Variants in TSPAN15 observed in about 807,000 individuals in gnomAD.
The protein encoded by TSPAN15 is tetraspanin 15.
Under a neutral mutation model 34.5 loss-of-function variants are expected in TSPAN15, and 20 were observed. The ratio of observed to expected loss-of-function variants is 0.58; its 90% CI spans 0.41 to 0.84. The LOEUF (loss-of-function observed/expected upper bound fraction) is 0.84, where lower values mean the gene tolerates loss of function less well. Among genes scored for constraint, TSPAN15 ranks in the 40% least tolerant of loss-of-function variants. The pLI, the probability that TSPAN15 is intolerant of heterozygous loss-of-function variation, is 0.00. For synonymous variants in TSPAN15, 155 were observed against 153.9 expected (o/e 1.01, Z -0.05); for missense variants, 313 against 386.1 (o/e 0.81, Z 1.59).
At chr10:69,493,696 TCTC>T (rs1842017237) in intron 3 of TSPAN15, among the ~76,000 whole-genome samples, 1 of 152,174 alleles carries the variant, frequency 6.6e-6, no homozygotes. Flanking sequence ...ATGGTCTTGA[TCTC>T]CTGACCTTGT....
chr10:69,474,145 C>T (rs1348401037), intron 1 of TSPAN15, among the ~76,000 whole-genome samples: 1 of 152,016 alleles, frequency 6.6e-6, no homozygotes, highest in Non-Finnish European at 1.5e-5. Flanking sequence ...TTCCCTTCAT[C>T]TCTGCCCACC....
At chr10:69,462,395 C>T (rs781434575) in intron 1 of TSPAN15, among the ~76,000 whole-genome samples, 19 of 151,886 alleles carry the variant, frequency 1.3e-4, no homozygotes, top group East Asian at 3.9e-4. Context: ...AGTGCAGTGG[C>T]GTGATCTCGG....
At chr10:69,521,973 A>G in the TSPAN15 span, among the ~76,000 whole-genome samples, 1 of 147,866 alleles carries the variant, frequency 6.8e-6, no homozygotes, top group South Asian at 2.1e-4. Context: ...GTGAAGTGGT[A>G]TGTCCTAGTT....
intron 1 of TSPAN15, among the ~76,000 whole-genome samples, chr10:69,452,072 G>A (rs926299474): frequency 4.6e-5 from 7 of 152,238 alleles, no homozygotes; most frequent in Non-Finnish European, 8.8e-5. Flanking sequence ...AAGTAGTTAG[G>A]ATTTGCAGTC....
chr10:69,455,795 G>A (rs1219637210), intron 1 of TSPAN15, among the ~76,000 whole-genome samples: 1 of 151,770 alleles, frequency 6.6e-6, no homozygotes, highest in African/African-American at 2.4e-5. Context: ...ATGCAGACAC[G>A]CACCTGCCAT....
At chr10:69,532,291 C>T in the TSPAN15 span, among the ~76,000 whole-genome samples, 5 of 152,060 alleles carry the variant, frequency 3.3e-5, no homozygotes, top group Admixed American at 2.0e-4. Flanking sequence ...ACTATAAGGC[C>T]GTAGTCACCA....
the TSPAN15 span, among the ~76,000 whole-genome samples, chr10:69,519,113 C>G: frequency 6.6e-6 from 1 of 152,214 alleles, no homozygotes; most frequent in Non-Finnish European, 1.5e-5. Flanking sequence ...AGGAGAAAAG[C>G]TAGTTGCATA....
At chr10:69,451,761 G>T (rs1840974053) in intron 1 of TSPAN15, 71 bp downstream of exon 1, 3 of 1,286,666 alleles carry the variant, frequency 2.3e-6, no homozygotes, top group Non-Finnish European at 3.1e-6. Flanking sequence ...CACTGGCCCG[G>T]GGTTGGGTCC....
chr10:69,457,566 G>T (rs1251007125), intron 1 of TSPAN15, among the ~76,000 whole-genome samples: 1 of 152,158 alleles, frequency 6.6e-6, no homozygotes, highest in Non-Finnish European at 1.5e-5. Context: ...CTGAGGGTGG[G>T]TAGGTGGTGG....
In TSPAN15 at chr10:69,506,125, G is replaced by A. The variant is rs115160228; in HGVS notation, c.620G>A (p.Arg207His). The A allele has an allele frequency of 1.1e-3, 1,847 of 1,613,618 alleles. 20 individuals carry two copies. In the African/African-American group the frequency reaches 0.022, roughly 19 times the overall value. Residue 207 changes from arginine (R) to histidine (H), a missense_variant and splice_region_variant, in exon 7 of 8, where the codon CGT (arginine) becomes CAT (histidine). By Grantham distance (29) the Arg-to-His change is conservative. Transcript: ENST00000373290. This position sits in a 1 kb window ranked among gnomAD's most constrained non-coding sequence, Gnocchi z 4.7. Reference protein sequence around the residue: ...MCGYKTIDKERFSVQDVIYVR... With the variant: ...MCGYKTIDKEHFSVQDVIYVR... ...CTGACCCAGCTCCTTCCCATGCAGC[G>A]TTTCAGTGTGCAGGATGTCATCTAC...
intron 2 of TSPAN15, 76 bp from the exon 3 acceptor site, chr10:69,485,065 G>T: frequency 7.3e-7 from 1 of 1,375,864 alleles, no homozygotes; most frequent in Non-Finnish European, 1.0e-6. Context: ...TGCTCTTGGA[G>T]CAGATGGTGC....
chr10:69,508,571 A>G (rs1280708611), downstream of TSPAN15, among the ~76,000 whole-genome samples: 2 of 152,050 alleles, frequency 1.3e-5, no homozygotes, highest in African/African-American at 4.8e-5. Context: ...TTGGTCTGCC[A>G]TGGGTGCCAA....
intron 5 of TSPAN15, 102 bp from the exon 6 acceptor site, chr10:69,504,336 C>A: frequency 1.7e-6 from 2 of 1,161,068 alleles, no homozygotes; most frequent in Non-Finnish European, 1.3e-6. Context: ...CTGGACGGTG[C>A]AACTCTGTGC....
At chr10:69,513,256 A>T in the TSPAN15 span, among the ~76,000 whole-genome samples, 1 of 152,252 alleles carries the variant, frequency 6.6e-6, no homozygotes, top group African/African-American at 2.4e-5. Context: ...ATATTTTCTT[A>T]AAAAATTAGA....
chr10:69,497,273 T>A (rs1431843914), intron 4 of TSPAN15, among the ~76,000 whole-genome samples: 1 of 152,176 alleles, frequency 6.6e-6, no homozygotes, highest in African/African-American at 2.4e-5. Flanking sequence ...GGACGTGTAC[T>A]GCAGCCCTGG....
chr10:69,510,368 T>C (rs1245612720), downstream of TSPAN15, among the ~76,000 whole-genome samples: 3 of 152,236 alleles, frequency 2.0e-5, no homozygotes, highest in Admixed American at 2.0e-4. Context: ...ACTCATGAAT[T>C]GGTTCTCTGT....
chr10:69,507,498 C>T lies in TSPAN15; in HGVS notation c.*520C>T, dbSNP rs1842358445. The T allele has an allele frequency of 7.7e-7, 1 of 1,304,402 alleles. No individual in the cohort carries two copies. Among genetic ancestry groups the T allele is most frequent in the Non-Finnish European group, 1.0e-6 (1 of 989,286 alleles). 80.8% of individuals were successfully genotyped at this position (1,304,402 alleles called of 1,614,324 possible). ...TTGAGCCCTCTTGCAAGGGCGGCTG[C>T]TTCCTTGAGCCTAGTTTTTTTACGT... is the stretch of plus-strand genomic sequence containing the variant. On this transcript the variant is annotated 3_prime_UTR_variant, in exon 8 of 8. Transcript: ENST00000373290.
At chr10:69,460,765 G>A (rs1841234633) in intron 1 of TSPAN15, among the ~76,000 whole-genome samples, 1 of 152,160 alleles carries the variant, frequency 6.6e-6, no homozygotes, top group South Asian at 2.1e-4. Context: ...GCTTCACTGG[G>A]CAGGGAGGCC....
the TSPAN15 span, among the ~76,000 whole-genome samples, chr10:69,548,362 C>A: frequency 2.0e-5 from 3 of 152,374 alleles, no homozygotes; most frequent in East Asian, 5.8e-4. Flanking sequence ...CATTTCCTTA[C>A]TCCTGATGTT....
Sources: gnomAD v4.1 joint callset for allele counts (sites outside exome capture counted in the v4.1 genomes callset) on GRCh38, gnomAD v4.1.1 for gene constraint, Gnocchi (gnomAD v3.1) non-coding constraint, MANE v1.5 for transcripts, NCBI Gene and HGNC (gene_info 2026-07-23, HGNC 2026-07-21) for gene names.